AGAP1: variants seen among roughly 807,000 people sequenced by gnomAD.
AGAP1 encodes arf-GAP with GTPase, ANK repeat and PH domain-containing protein 1.
Under a neutral mutation model 105.3 loss-of-function variants are expected in AGAP1, and 29 were observed. The observed-to-expected ratio is 0.28, with a 90% CI of 0.21 to 0.38. The LOEUF (loss-of-function observed/expected upper bound fraction) is 0.38, where lower values mean the gene tolerates loss of function less well. Among genes scored for constraint, AGAP1 ranks in the 10% least tolerant of loss-of-function variants. The pLI, the probability that AGAP1 is intolerant of heterozygous loss-of-function variation, is 1.00. For missense variants in AGAP1, 998 were observed against 1,165.1 expected (o/e 0.86, Z 2.09); for synonymous variants, 509 against 485.9 (o/e 1.05, Z -0.63).
chr2:235,913,895 G>C lies in AGAP1; in HGVS notation c.1324+4989G>C, dbSNP rs1010515277. Among the ~76,000 whole-genome samples the C allele has an allele frequency of 2.0e-5, 3 of 152,194 alleles. No individual in the cohort carries two copies. In the East Asian group the frequency reaches 5.8e-4, roughly 29 times the overall value. ...GAGGAAGTGGCATCTTTACTGTGTG[G>C]AGTTCCTTATCGTGGAACACTGTTC... On this transcript the variant is annotated intron_variant, in intron 11 of 17. Transcript: ENST00000304032.
intron 1 of AGAP1, among the ~76,000 whole-genome samples, chr2:235,641,880 A>G (rs747591901): frequency 5.9e-5 from 9 of 152,104 alleles, no homozygotes; most frequent in Non-Finnish European, 1.3e-4. Context: ...AATTATTAGC[A>G]TTTTCTGCAT....
rs1475329360 is a variant in AGAP1, at chr2:236,044,389, A to G, written c.1891+3548A>G. Among the ~76,000 whole-genome samples, 2 of 152,080 alleles carry G rather than the reference A, an allele frequency of 1.3e-5. No homozygotes were observed. Among genetic ancestry groups the G allele is most frequent in the East Asian group, 3.9e-4 (2 of 5,178 alleles). On this transcript the variant is annotated intron_variant, in intron 15 of 17. Transcript: ENST00000304032. The surrounding 1 kb of genome is among the most constrained non-coding windows in gnomAD (Gnocchi z 5.7). ...GCTCTCACCAGCAGGTCTGACCTTC[A>G]TGGACAGGCCCTGAGAGGCAGCTCA...
Position 236,101,229 on chromosome 2 carries a change from C to A in AGAP1, c.2115-18963C>A, listed in dbSNP as rs759735291. Among the ~76,000 whole-genome samples, 6 of 151,898 alleles carry A rather than the reference C, an allele frequency of 4.0e-5. No homozygotes were observed. On this transcript the variant is annotated intron_variant, in intron 16 of 17. Transcript: ENST00000304032. This position sits in a 1 kb window ranked among gnomAD's most constrained non-coding sequence, Gnocchi z 4.9. The stretch of plus-strand genomic sequence containing the variant: ...TTTGGCTGTTGGAACTGTTGTGATC[C>A]CCCACCACAAGCAGATTAAAAGGTA...
At position 235,696,732 on chromosome 2, in the gene AGAP1, A is replaced by G. The variant is rs574289885; in HGVS notation, c.164-12447A>G. Among the ~76,000 whole-genome samples the G allele has an allele frequency of 2.0e-5, 3 of 152,200 alleles. No homozygotes were observed. The South Asian group carries it at 6.2e-4, about 32-fold the overall frequency. On this transcript the variant is annotated intron_variant, in intron 1 of 17. Coordinates refer to ENST00000304032, the MANE Select transcript of AGAP1 (RefSeq NM_001037131.3). ...TGTGCTGCAGACTTATCTGTGGGGG[A>G]AAAATTATCCATGCCACCTCTCAGA... is the stretch of plus-strand genomic sequence containing the variant.
Position 235,602,216 on chromosome 2 carries a change from A to G in AGAP1, c.164-106963A>G, listed in dbSNP as rs147709778. On this transcript the variant is annotated intron_variant, in intron 1 of 17. Transcript: ENST00000304032. ...GACAATGATATGAAATTCATATTTCAGCGAGCACAAATAAAGCCGTGTTGG... is the reference window on the plus strand; with the variant it reads ...GACAATGATATGAAATTCATATTTCGGCGAGCACAAATAAAGCCGTGTTGG... 4.1e-4 allele frequency among the ~76,000 whole-genome samples: 63 copies of G among 152,366 alleles called. 1 individual carries two copies. The East Asian group carries it at 0.012, about 29-fold the overall frequency.
chr2:235,814,204 A>G (rs1013816547), intron 9 of AGAP1, among the ~76,000 whole-genome samples: 1 of 152,202 alleles, frequency 6.6e-6, no homozygotes, highest in African/African-American at 2.4e-5. Flanking sequence ...CACAGGCCCA[A>G]GGGCGGAGCT....
intron 1 of AGAP1, among the ~76,000 whole-genome samples, chr2:235,533,808 C>T (rs866161873): frequency 3.9e-5 from 6 of 152,262 alleles, no homozygotes; most frequent in Non-Finnish European, 5.9e-5. Context: ...GACCCCTCCC[C>T]GCTGGCCCCT....
At chr2:235,513,241 C>CGGGCGCGGGCGT (rs1432962287) in intron 1 of AGAP1, among the ~76,000 whole-genome samples, 23 of 17,588 alleles carry the variant, frequency 1.3e-3, no homozygotes, top group Non-Finnish European at 2.1e-3. Flanking sequence ...ATCACTGTGC[C>CGGGCGCGGGCGT]GGGCGCGGGT....
intron 6 of AGAP1, among the ~76,000 whole-genome samples, chr2:235,780,963 A>T (rs1956223491): frequency 6.6e-6 from 1 of 152,240 alleles, no homozygotes; most frequent in African/African-American, 2.4e-5. Context: ...GTATAAGAAT[A>T]AAATTCTCTG....
Position 235,747,429 on chromosome 2 carries a change from G to A in AGAP1, c.538+2590G>A, listed in dbSNP as rs1431576278. Among the ~76,000 whole-genome samples the A allele has an allele frequency of 6.6e-6, 1 of 152,122 alleles. No individual in the cohort carries two copies. The highest frequency in any genetic ancestry group is 2.4e-5 in the African/African-American group (1 of 41,436). On this transcript the variant is annotated intron_variant, in intron 5 of 17. Coordinates refer to ENST00000304032, the MANE Select transcript of AGAP1 (RefSeq NM_001037131.3). The surrounding 1 kb of genome is among the most constrained non-coding windows in gnomAD (Gnocchi z 5.0). ...GCCTCTGGGGTTGGGAGGTAAGTCA[G>A]CCCCACACCCTCCCGGGGTGAACAG...
At position 235,976,004 on chromosome 2, in the gene AGAP1, G is replaced by C. The variant is rs370100794; in HGVS notation, c.1645+7381G>C. On this transcript the variant is annotated intron_variant, in intron 13 of 17. Transcript: ENST00000304032. The surrounding 1 kb of genome is among the most constrained non-coding windows in gnomAD (Gnocchi z 4.5). ...AGCAAATGTGGAAAACCAAGAATGA[G>C]AACATCTTCCTGGGAGATACACTGG... Among the ~76,000 whole-genome samples, 3 of 152,188 alleles carry C rather than the reference G, an allele frequency of 2.0e-5. No individual in the cohort carries two copies. The highest frequency in any genetic ancestry group is 4.4e-5 in the Non-Finnish European group (3 of 68,046).
In AGAP1 at chr2:235,494,637, CGGGGCGG is replaced by C. The variant is rs1941225318; in HGVS notation, c.-49_-43del. 1.0e-6 allele frequency: 1 copy of C among 968,786 alleles called. No homozygotes were observed. The highest frequency in any genetic ancestry group is 4.6e-5 in the South Asian group (1 of 21,642). 60.0% of individuals were successfully genotyped at this position (968,786 alleles called of 1,614,324 possible). Reference sequence around the variant, plus strand: ...TCGGCGGCCCGCGGGCCCCGGGGCGCGGGGCGGCGGCGGCGGGGGGCGCGCGGCTCCG... The same window carrying C: ...TCGGCGGCCCGCGGGCCCCGGGGCGCCGGCGGCGGGGGGCGCGCGGCTCCG... On this transcript the variant is annotated 5_prime_UTR_variant, in exon 1 of 18. Coordinates refer to ENST00000304032, the MANE Select transcript of AGAP1 (RefSeq NM_001037131.3).
intron 9 of AGAP1, among the ~76,000 whole-genome samples, chr2:235,829,240 G>A (rs533923003): frequency 8.5e-5 from 13 of 152,322 alleles, no homozygotes; most frequent in African/African-American, 2.9e-4. Flanking sequence ...GGTGCATTTC[G>A]TTTTCTGGAG....
At chr2:236,034,880 T>G (rs1304857347) in intron 13 of AGAP1, among the ~76,000 whole-genome samples, 1 of 152,188 alleles carries the variant, frequency 6.6e-6, no homozygotes, top group Non-Finnish European at 1.5e-5. Context: ...CCTCTCTGGC[T>G]GGGTGCTGTC....
intron 12 of AGAP1, among the ~76,000 whole-genome samples, chr2:235,949,026 AGTGAATATTTTCACCT>A: frequency 6.6e-6 from 1 of 152,234 alleles, no homozygotes; most frequent in East Asian, 1.9e-4. Flanking sequence ...TTTAATAGTC[AGTGAATATTTTCACCT>A]GCCTAGATGG....
intron 16 of AGAP1, among the ~76,000 whole-genome samples, chr2:236,102,218 C>T (rs895388712): frequency 3.6e-4 from 55 of 152,166 alleles, no homozygotes; most frequent in Admixed American, 5.9e-4. Flanking sequence ...GAGATCGAGA[C>T]CATCCTGGCT....
At chr2:235,846,498 TG>T (rs144253830) in intron 9 of AGAP1, among the ~76,000 whole-genome samples, 5,978 of 106,410 alleles carry the variant, frequency 0.056, 375 homozygotes, top group African/African-American at 0.14. Flanking sequence ...GGCTAATTTT[TG>T]GTTTTTTTTT....
intron 9 of AGAP1, among the ~76,000 whole-genome samples, chr2:235,868,771 C>T (rs748400030): frequency 2.0e-5 from 3 of 152,222 alleles, no homozygotes; most frequent in Non-Finnish European, 4.4e-5. Context: ...ATAGCACTTA[C>T]ATTCATGACA....
At position 235,976,067 on chromosome 2, in the gene AGAP1, C is replaced by T. The variant is rs1175991269; in HGVS notation, c.1645+7444C>T. ...GAATGTGGAAAACCAAGAATCAGAA[C>T]ATCTTCCTGGGAGATACGCTGGAAA... On this transcript the variant is annotated intron_variant, in intron 13 of 17. Coordinates refer to ENST00000304032, the MANE Select transcript of AGAP1 (RefSeq NM_001037131.3). The surrounding 1 kb of genome is among the most constrained non-coding windows in gnomAD (Gnocchi z 4.5). Among the ~76,000 whole-genome samples, 1 of 152,144 alleles carries T rather than the reference C, an allele frequency of 6.6e-6. No homozygotes were observed. Among genetic ancestry groups the T allele is most frequent in the Non-Finnish European group, 1.5e-5 (1 of 68,034 alleles).
Sources: allele counts gnomAD v4.1 joint callset (sites outside exome capture counted in the v4.1 genomes callset), GRCh38; gene constraint gnomAD v4.1.1; non-coding constraint Gnocchi (gnomAD v3.1); transcripts MANE v1.5; gene names NCBI Gene and HGNC (gene_info 2026-07-23, HGNC 2026-07-21).